Variants in KANK1 observed in about 807,000 individuals in gnomAD.
KANK1 encodes KN motif and ankyrin repeat domains 1, also known as KN motif and ankyrin repeat domain-containing protein 1.
A neutral mutation model predicts 106.2 loss-of-function variants in KANK1; 109 were observed. The ratio of observed to expected loss-of-function variants is 1.03; its 90% CI spans 0.88 to 1.20. KANK1 has a LOEUF of 1.20. KANK1 is among the 50% of genes most tolerant of loss of function. KANK1 has a pLI of 0.00. For synonymous variants in KANK1, 873 were observed against 652.2 expected (o/e 1.34, Z -5.16); for missense variants, 2,399 against 1,710.7 (o/e 1.40, Z -7.10).
Position 638,696 on chromosome 9 carries a change from A to G in KANK1, c.-83-38194A>G, listed in dbSNP as rs953252151. On this transcript the variant is annotated intron_variant, in intron 1 of 11. Transcript: ENST00000382297. ...AGATGGACTTTGTTGTCTTTCATAAACTTGTTAAATTTGCGATCTGCCCTT... is the reference window on the plus strand; with the variant it reads ...AGATGGACTTTGTTGTCTTTCATAAGCTTGTTAAATTTGCGATCTGCCCTT... 5.3e-5 allele frequency among the ~76,000 whole-genome samples: 8 copies of G among 152,096 alleles called. No individual in the cohort carries two copies. The East Asian group carries it at 1.5e-3, about 29-fold the overall frequency.
chr9:551,681 G>T (rs762494714), intron 1 of KANK1, among the ~76,000 whole-genome samples: 1 of 152,086 alleles, frequency 6.6e-6, no homozygotes, highest in East Asian at 1.9e-4. Flanking sequence ...CCTCCACACA[G>T]CTTGCAGTTT....
At chr9:652,636 G>A (rs1288950536) in intron 1 of KANK1, among the ~76,000 whole-genome samples, 5 of 152,226 alleles carry the variant, frequency 3.3e-5, no homozygotes, top group African/African-American at 1.2e-4. Context: ...ATAAAAGAGA[G>A]ATGTGGTTGT....
chr9:700,554 T>G (rs543349820), intron 2 of KANK1, among the ~76,000 whole-genome samples: 55 of 152,340 alleles, frequency 3.6e-4, no homozygotes, highest in African/African-American at 1.3e-3. Flanking sequence ...TTTGCTTTCC[T>G]GCTGACGTGG....
chr9:646,327 A>G (rs1160428537), intron 1 of KANK1, among the ~76,000 whole-genome samples: 2 of 150,490 alleles, frequency 1.3e-5, no homozygotes, highest in East Asian at 1.9e-4. Context: ...CAAGACCTAT[A>G]TCTACCTAAA....
chr9:535,619 C>T (rs1380646249), intron 1 of KANK1, among the ~76,000 whole-genome samples: 1 of 152,194 alleles, frequency 6.6e-6, no homozygotes, highest in Non-Finnish European at 1.5e-5. Flanking sequence ...CAATACAGTA[C>T]ACCTGCTGAG....
intron 1 of KANK1, among the ~76,000 whole-genome samples, chr9:592,328 G>A (rs1051982084): frequency 6.6e-6 from 1 of 151,860 alleles, no homozygotes; most frequent in Non-Finnish European, 1.5e-5. Context: ...TTCCCAGGGA[G>A]CAGCGGGAAG....
At chr9:694,068 C>T (rs1820628454) in intron 2 of KANK1, among the ~76,000 whole-genome samples, 1 of 152,052 alleles carries the variant, frequency 6.6e-6, no homozygotes, top group Admixed American at 6.5e-5. Flanking sequence ...TCAATAATTT[C>T]CTTTTTTGTT....
At chr9:621,658 C>T (rs913979988) in intron 1 of KANK1, among the ~76,000 whole-genome samples, 1 of 152,002 alleles carries the variant, frequency 6.6e-6, no homozygotes, top group African/African-American at 2.4e-5. Flanking sequence ...ATTCCTCCAG[C>T]CAGTGGTGAG....
rs374626523 is a variant in KANK1, at chr9:737,061, T to C, written c.3334-1224T>C. On this transcript the variant is annotated intron_variant, in intron 7 of 11. Transcript: ENST00000382297. Reference sequence around the variant, plus strand: ...ATTTGGTGTGAAAGTGTTTAAAGTATTGTGTTGTGAAAAGTAGTGGACGAG... The same window carrying C: ...ATTTGGTGTGAAAGTGTTTAAAGTACTGTGTTGTGAAAAGTAGTGGACGAG... 1.4e-3 allele frequency among the ~76,000 whole-genome samples: 214 copies of C among 152,330 alleles called. 3 individuals are homozygous for C. In the South Asian group the frequency reaches 0.043, roughly 31 times the overall value.
At chr9:697,323 A>G (rs1174689614) in intron 2 of KANK1, among the ~76,000 whole-genome samples, 1 of 152,092 alleles carries the variant, frequency 6.6e-6, no homozygotes, top group African/African-American at 2.4e-5. Context: ...GTCAACTTTG[A>G]TCACCTGGTC....
At chr9:654,276 C>A (rs759386747) in intron 1 of KANK1, among the ~76,000 whole-genome samples, 1 of 152,166 alleles carries the variant, frequency 6.6e-6, no homozygotes, top group Admixed American at 6.5e-5. Flanking sequence ...CTTTGAGAAA[C>A]AGTGGCCCAG....
At chr9:591,729 T>G (rs767933890) in intron 1 of KANK1, among the ~76,000 whole-genome samples, 7 of 151,784 alleles carry the variant, frequency 4.6e-5, no homozygotes, top group Non-Finnish European at 1.0e-4. Context: ...CGATCTTGGC[T>G]CACTCTGCAA....
chr9:481,295 C>A lies in KANK1; in HGVS notation c.-362+8022C>A, dbSNP rs199749352. On this transcript the variant is annotated intron_variant, in intron 3 of 15. Transcript: ENST00000382303. ...ATCTGTATTTAAAAACAAAACAAAA[C>A]AAAAAAAAACCCAAAAACAAAAATA... 3.9e-3 allele frequency among the ~76,000 whole-genome samples: 594 copies of A among 150,566 alleles called. 5 individuals are homozygous for A. The highest frequency in any genetic ancestry group is 0.013 in the African/African-American group (520 of 41,028).
intron 1 of KANK1, among the ~76,000 whole-genome samples, chr9:575,335 C>T (rs1179287417): frequency 3.9e-5 from 6 of 152,118 alleles, no homozygotes; most frequent in African/African-American, 9.7e-5. Context: ...TGACAAAAGC[C>T]ACTATTCTTA....
intron 1 of KANK1, among the ~76,000 whole-genome samples, chr9:625,879 G>A (rs760236321): frequency 1.4e-4 from 22 of 152,004 alleles, no homozygotes; most frequent in Non-Finnish European, 2.6e-4. Context: ...TCATTTCCCG[G>A]TTTTAACCAC....
At position 714,118 on chromosome 9, in the gene KANK1, C is replaced by T. The variant is rs1374826978; in HGVS notation, c.2698+654C>T. Among the ~76,000 whole-genome samples the T allele has an allele frequency of 2.6e-5, 4 of 152,088 alleles. No homozygotes were observed. The East Asian group carries it at 5.8e-4, about 22-fold the overall frequency. On this transcript the variant is annotated intron_variant, in intron 3 of 11. Transcript: ENST00000382297. ...AATCATTATTACTTGGATTCCTACT[C>T]TGTCTCAAGCTATAGGCTGTGAAGA...
intron 7 of KANK1, among the ~76,000 whole-genome samples, chr9:735,976 C>G (rs749741337): frequency 9.2e-5 from 14 of 152,162 alleles, no homozygotes; most frequent in Non-Finnish European, 1.9e-4. Flanking sequence ...GCCTGGGTGA[C>G]AGAGTGAGAC....
At chr9:641,404 T>C (rs533832566) in intron 1 of KANK1, among the ~76,000 whole-genome samples, 2 of 152,338 alleles carry the variant, frequency 1.3e-5, no homozygotes, top group Non-Finnish European at 2.9e-5. Context: ...TCCATCTTGG[T>C]GGTGATCCTT....
intron 1 of KANK1, among the ~76,000 whole-genome samples, chr9:622,239 G>C (rs1003539175): frequency 2.0e-5 from 3 of 152,128 alleles, no homozygotes; most frequent in African/African-American, 7.2e-5. Context: ...TTCCCTTGGA[G>C]CACAAAGAAG....
Sources: allele counts gnomAD v4.1 joint callset (sites outside exome capture counted in the v4.1 genomes callset), GRCh38; gene constraint gnomAD v4.1.1; transcripts MANE v1.5; gene names NCBI Gene and HGNC (gene_info 2026-07-23, HGNC 2026-07-21).